The following DLGAP2 variants were observed in gnomAD, a reference collection of about 807,000 sequenced individuals.
The protein encoded by DLGAP2 is disks large-associated protein 2.
Under a neutral mutation model 100.3 loss-of-function variants are expected in DLGAP2, and 26 were observed. That is an observed-to-expected ratio of 0.26 (90% CI 0.19 to 0.36). The LOEUF (loss-of-function observed/expected upper bound fraction) is 0.36, where lower values mean the gene tolerates loss of function less well. Among genes scored for constraint, DLGAP2 ranks in the 10% least tolerant of loss-of-function variants. The pLI, the probability that DLGAP2 is intolerant of heterozygous loss-of-function variation, is 1.00. For missense variants in DLGAP2, 1,858 were observed against 1,453.2 expected (o/e 1.28, Z -4.53); for synonymous variants, 886 against 630.1 (o/e 1.41, Z -6.08).
chr8:1,286,272 C>G (rs1285590617), intron 3 of DLGAP2, among the ~76,000 whole-genome samples: 1 of 152,342 alleles, frequency 6.6e-6, no homozygotes, highest in East Asian at 1.9e-4. Context: ...TTTCCTGAGG[C>G]CTCCTCAGCC....
intron 3 of DLGAP2, among the ~76,000 whole-genome samples, chr8:1,440,978 C>G (rs563704606): frequency 6.6e-6 from 1 of 152,180 alleles, no homozygotes; most frequent in Non-Finnish European, 1.5e-5. Context: ...ATGAAACCCT[C>G]CCAGCACGGG....
At chr8:1,119,632 A>C (rs545013486) in intron 2 of DLGAP2, among the ~76,000 whole-genome samples, 1 of 152,220 alleles carries the variant, frequency 6.6e-6, no homozygotes, top group Non-Finnish European at 1.5e-5. Context: ...CTGTTTCCTC[A>C]TGTGAACAGC....
chr8:1,285,851 C>T (rs1373876720), intron 3 of DLGAP2, among the ~76,000 whole-genome samples: 1 of 152,032 alleles, frequency 6.6e-6, no homozygotes, highest in Non-Finnish European at 1.5e-5. Flanking sequence ...CACCTGCAAC[C>T]CCACCAATCC....
intron 2 of DLGAP2, among the ~76,000 whole-genome samples, chr8:1,112,255 T>A (rs1456140293): frequency 6.7e-6 from 1 of 149,518 alleles, no homozygotes; most frequent in African/African-American, 2.5e-5. Flanking sequence ...TTTTTTTTTT[T>A]TTTGAGACAG....
intron 2 of DLGAP2, among the ~76,000 whole-genome samples, chr8:1,188,210 G>A (rs1226501488): frequency 7.2e-6 from 1 of 137,932 alleles, no homozygotes; most frequent in Non-Finnish European, 1.5e-5. Context: ...TTTCCCTCAC[G>A]GAATCTCACA....
intron 2 of DLGAP2, among the ~76,000 whole-genome samples, chr8:1,181,573 T>G (rs1797388626): frequency 6.6e-6 from 1 of 151,860 alleles, no homozygotes; most frequent in African/African-American, 2.4e-5. Context: ...GATCAGGAAT[T>G]AACTAATGGG....
rs115370733 is a variant in DLGAP2 at position 750,304 on chromosome 8, G to T, written c.18+12479G>T. ...GGAGGTCAAGGCGATTGTGCAGAGTGGGCTCAGGGAGGACGTCACAGGAAA... is the reference window on the plus strand; with the variant it reads ...GGAGGTCAAGGCGATTGTGCAGAGTTGGCTCAGGGAGGACGTCACAGGAAA... On this transcript the variant is annotated intron_variant, in intron 1 of 14. Transcript: ENST00000637795. Among the ~76,000 whole-genome samples, 813 of 152,328 alleles carry T rather than the reference G, an allele frequency of 5.3e-3. 7 individuals are homozygous for T. The highest frequency in any genetic ancestry group is 0.019 in the African/African-American group (772 of 41,578).
chr8:1,625,609 A>G (rs1797470568), intron 6 of DLGAP2, among the ~76,000 whole-genome samples: 1 of 152,178 alleles, frequency 6.6e-6, no homozygotes, highest in South Asian at 2.1e-4. Flanking sequence ...TTTTTCTGTT[A>G]TTTTTTAAAT....
intron 3 of DLGAP2, among the ~76,000 whole-genome samples, chr8:1,443,500 C>T (rs981520011): frequency 2.6e-5 from 4 of 152,150 alleles, no homozygotes; most frequent in Non-Finnish European, 4.4e-5. Context: ...AGAGGGGTGG[C>T]GTGGTGTATT....
chr8:1,484,741 A>G (rs1395694805), intron 3 of DLGAP2, among the ~76,000 whole-genome samples: 2 of 152,216 alleles, frequency 1.3e-5, no homozygotes, highest in African/African-American at 2.4e-5. Flanking sequence ...TAAACCAACC[A>G]TAGTTGGGCA....
intron 1 of DLGAP2, among the ~76,000 whole-genome samples, chr8:749,820 A>G (rs1820745933): frequency 6.6e-6 from 1 of 152,294 alleles, no homozygotes; most frequent in South Asian, 2.1e-4. Flanking sequence ...CCTGGAGCCA[A>G]GGTATCCTGG....
intron 2 of DLGAP2, among the ~76,000 whole-genome samples, chr8:1,236,938 T>TCTCA (rs1798670775): frequency 6.9e-6 from 1 of 145,012 alleles, no homozygotes; most frequent in African/African-American, 2.6e-5. Context: ...TCTAGTTCTC[T>TCTCA]CACATGGCGC....
chr8:1,470,838 C>G (rs200994123), intron 3 of DLGAP2, among the ~76,000 whole-genome samples: 3 of 49,306 alleles, frequency 6.1e-5, no homozygotes, highest in East Asian at 9.4e-4. Context: ...CCCGACCCCT[C>G]CAGGCTTTCC....
At chr8:1,162,703 T>C (rs943545035) in intron 2 of DLGAP2, among the ~76,000 whole-genome samples, 1 of 152,252 alleles carries the variant, frequency 6.6e-6, no homozygotes, top group Non-Finnish European at 1.5e-5. Context: ...TAGTTTAGTG[T>C]GCAAACAGCC....
intron 2 of DLGAP2, among the ~76,000 whole-genome samples, chr8:1,152,937 G>A (rs1351047719): frequency 6.6e-6 from 1 of 152,124 alleles, no homozygotes. Context: ...ATGGAAGCAC[G>A]CCCACTCAAA....
At chr8:1,024,263 C>T (rs1294529947) in intron 2 of DLGAP2, among the ~76,000 whole-genome samples, 1 of 129,168 alleles carries the variant, frequency 7.7e-6, no homozygotes, top group Non-Finnish European at 1.7e-5. Context: ...AGGCAGACAC[C>T]CCAGCCACCA....
chr8:845,269 G>C (rs1433968155), intron 1 of DLGAP2, among the ~76,000 whole-genome samples: 2 of 152,154 alleles, frequency 1.3e-5, no homozygotes, highest in Non-Finnish European at 2.9e-5. Context: ...CAGTCGTATA[G>C]GAGGGTTCTG....
intron 3 of DLGAP2, among the ~76,000 whole-genome samples, chr8:1,440,078 C>T (rs114596228): frequency 2.0e-3 from 304 of 152,264 alleles, no homozygotes; most frequent in African/African-American, 6.9e-3. Flanking sequence ...TCAGCTACCT[C>T]TCAGGTCCCA....
intron 5 of DLGAP2, among the ~76,000 whole-genome samples, chr8:1,556,910 A>G (rs745345392): frequency 8.5e-5 from 13 of 152,166 alleles, no homozygotes; most frequent in Non-Finnish European, 1.9e-4. Flanking sequence ...GGCAGCAGCC[A>G]TGCACCCAGC....
Sources: allele counts gnomAD v4.1 joint callset (sites outside exome capture counted in the v4.1 genomes callset), GRCh38; gene constraint gnomAD v4.1.1; transcripts MANE v1.5; gene names NCBI Gene and HGNC (gene_info 2026-07-23, HGNC 2026-07-21).